Variants in SLC6A11 observed in about 807,000 individuals in gnomAD.
The protein encoded by SLC6A11 is solute carrier family 6 member 11.
SLC6A11 carries 25 observed loss-of-function variants against 74.8 expected under a neutral mutation model. That is an observed-to-expected ratio of 0.33 (90% CI 0.24 to 0.47). The LOEUF is 0.47. Ranked by LOEUF, SLC6A11 falls within the 20% of genes least tolerant of loss-of-function variation. SLC6A11 has a pLI of 1.00. For missense variants in SLC6A11, 574 were observed against 837.0 expected, an observed-to-expected ratio of 0.69 and a Z score of 3.88; for synonymous variants, 330 against 330.2, an observed-to-expected ratio of 1.00 and a Z score of 0.01.
intron 4 of SLC6A11, among the ~76,000 whole-genome samples, chr3:10,834,782 C>T (rs1694345429): frequency 6.6e-6 from 1 of 152,152 alleles, no homozygotes; most frequent in South Asian, 2.1e-4. Flanking sequence ...CTCGAGTTTC[C>T]TCCTCTGTAG....
chr3:10,875,955 A>C (rs1421955088), intron 6 of SLC6A11, among the ~76,000 whole-genome samples: 1 of 152,262 alleles, frequency 6.6e-6, no homozygotes, highest in Non-Finnish European at 1.5e-5. Context: ...ACTCTAGGTC[A>C]TTCTAGTGTG....
chr3:10,867,712 C>T (rs754807733), intron 5 of SLC6A11, among the ~76,000 whole-genome samples: 13 of 152,218 alleles, frequency 8.5e-5, no homozygotes, highest in Non-Finnish European at 1.5e-4. Context: ...TCCATGAACC[C>T]AGACTGCAGA....
intron 6 of SLC6A11, among the ~76,000 whole-genome samples, chr3:10,904,961 A>G (rs1191721441): frequency 6.6e-6 from 1 of 152,238 alleles, no homozygotes; most frequent in Non-Finnish European, 1.5e-5. Flanking sequence ...AGTACGCACT[A>G]GGTTTCAGCA....
In SLC6A11 at chr3:10,940,421, T is replaced by C. The variant is rs1454794650; in HGVS notation, c.*2019T>C. 6.6e-6 allele frequency: 1 copy of C among 151,878 alleles called. No individual in the cohort carries two copies. The highest frequency in any genetic ancestry group is 2.4e-5 in the African/African-American group (1 of 41,316). The allele number at this position is 151,878 out of a possible 1,614,324, so 9.4% of individuals were successfully genotyped here. On this transcript the variant is annotated 3_prime_UTR_variant, in exon 14 of 14. Coordinates refer to ENST00000254488, the MANE Select transcript of SLC6A11 (RefSeq NM_014229.3). ...GGCTAACGCTTGACTCACTTAACACTACTCATGGGGCAGGGCGGAGGGTGG... is the reference window on the plus strand; with the variant it reads ...GGCTAACGCTTGACTCACTTAACACCACTCATGGGGCAGGGCGGAGGGTGG...
chr3:10,893,515 A>G (rs951447714), intron 6 of SLC6A11, among the ~76,000 whole-genome samples: 4 of 152,094 alleles, frequency 2.6e-5, no homozygotes, highest in Admixed American at 2.6e-4. Flanking sequence ...CTGAGACTGA[A>G]CGTTGGTTTT....
At chr3:10,855,845 T>G (rs181544411) in intron 5 of SLC6A11, among the ~76,000 whole-genome samples, 43 of 152,330 alleles carry the variant, frequency 2.8e-4, no homozygotes, top group Non-Finnish European at 5.7e-4. Context: ...ATGTGTACAA[T>G]GACCAGAAAG....
At chr3:10,843,546 C>G (rs1310091547) in intron 4 of SLC6A11, among the ~76,000 whole-genome samples, 1 of 152,202 alleles carries the variant, frequency 6.6e-6, no homozygotes, top group Non-Finnish European at 1.5e-5. Context: ...CCCTGACCCC[C>G]TGTAGCAGTC....
At chr3:10,839,826 C>G (rs1203675151) in intron 4 of SLC6A11, among the ~76,000 whole-genome samples, 2 of 152,328 alleles carry the variant, frequency 1.3e-5, no homozygotes, top group East Asian at 3.9e-4. Flanking sequence ...CCACTTCACT[C>G]TTGCTCAGCG....
At chr3:10,818,085 T>A (rs867926572) in intron 1 of SLC6A11, among the ~76,000 whole-genome samples, 1,521 of 139,308 alleles carry the variant, frequency 0.011, 20 homozygotes, top group African/African-American at 0.031. Flanking sequence ...TTTTTTTTTT[T>A]AAAAAAAAAG....
chr3:10,851,550 G>A (rs554495815), intron 5 of SLC6A11, among the ~76,000 whole-genome samples: 1 of 152,172 alleles, frequency 6.6e-6, no homozygotes, highest in Non-Finnish European at 1.5e-5. Flanking sequence ...TAAGCAGATC[G>A]TGTTGTCTGG....
At chr3:10,877,938 C>T (rs1179889300) in intron 6 of SLC6A11, among the ~76,000 whole-genome samples, 1 of 152,170 alleles carries the variant, frequency 6.6e-6, no homozygotes, top group African/African-American at 2.4e-5. Context: ...CTCCACCTGA[C>T]CCCCGACTCC....
chr3:10,823,429 G>A, intron 4 of SLC6A11, 37 bp downstream of exon 4: 1 of 1,400,284 alleles, frequency 7.1e-7, no homozygotes, highest in Non-Finnish European at 1.0e-6. Context: ...TGGCCTGTGG[G>A]GGCTCTGTCC....
intron 6 of SLC6A11, among the ~76,000 whole-genome samples, chr3:10,888,134 C>A (rs1332787761): frequency 6.6e-6 from 1 of 152,244 alleles, no homozygotes; most frequent in African/African-American, 2.4e-5. Context: ...GCCTGCTCTT[C>A]ATTCTCCACT....
At chr3:10,888,959 G>T (rs921606468) in intron 6 of SLC6A11, among the ~76,000 whole-genome samples, 1 of 152,182 alleles carries the variant, frequency 6.6e-6, no homozygotes, top group East Asian at 1.9e-4. Flanking sequence ...TGGGAGTGGG[G>T]TGGAGGTTGG....
intron 5 of SLC6A11, among the ~76,000 whole-genome samples, chr3:10,866,611 A>T (rs150998119): frequency 9.2e-5 from 14 of 152,356 alleles, no homozygotes; most frequent in African/African-American, 3.4e-4. Flanking sequence ...AGCTAATGAT[A>T]CACCACTTGC....
chr3:10,886,215 G>A (rs1272071135), intron 6 of SLC6A11, among the ~76,000 whole-genome samples: 1 of 152,190 alleles, frequency 6.6e-6, no homozygotes, highest in Non-Finnish European at 1.5e-5. Flanking sequence ...GGGCTGGGCT[G>A]ATCCCTGTTA....
At chr3:10,872,833 T>G (rs983998887) in intron 5 of SLC6A11, among the ~76,000 whole-genome samples, 10 of 152,160 alleles carry the variant, frequency 6.6e-5, no homozygotes, top group African/African-American at 2.4e-4. Context: ...GCATAGACTC[T>G]TTATCTGGGA....
At chr3:10,909,576 G>T (rs1695358253) in intron 6 of SLC6A11, among the ~76,000 whole-genome samples, 1 of 152,160 alleles carries the variant, frequency 6.6e-6, no homozygotes, top group African/African-American at 2.4e-5. Context: ...GCTCACTCTG[G>T]CCTGCACACT....
intron 5 of SLC6A11, among the ~76,000 whole-genome samples, chr3:10,854,020 C>T (rs1415320323): frequency 6.6e-6 from 1 of 152,204 alleles, no homozygotes; most frequent in East Asian, 1.9e-4. Context: ...CCCTCAGAAC[C>T]CACCAGTAAC....
Sources: gnomAD v4.1 joint callset for allele counts (sites outside exome capture counted in the v4.1 genomes callset) on GRCh38, gnomAD v4.1.1 for gene constraint, MANE v1.5 for transcripts, NCBI Gene and HGNC (gene_info 2026-07-23, HGNC 2026-07-21) for gene names.